LRCH1: variants seen among roughly 807,000 people sequenced by gnomAD.
LRCH1 encodes leucine rich repeats and calponin homology domain containing 1.
A neutral mutation model predicts 94.9 loss-of-function variants in LRCH1; 23 were observed. The observed-to-expected ratio is 0.24, with a 90% CI of 0.17 to 0.34. The LOEUF (loss-of-function observed/expected upper bound fraction) is 0.34, where lower values mean the gene tolerates loss of function less well. Ranked by LOEUF, LRCH1 falls within the 10% of genes least tolerant of loss-of-function variation. The pLI is 1.00. For missense variants in LRCH1, 790 were observed against 945.9 expected, an observed-to-expected ratio of 0.84 and a Z score of 2.16; for synonymous variants, 364 against 354.9, an observed-to-expected ratio of 1.03 and a Z score of -0.29.
intron 17 of LRCH1, among the ~76,000 whole-genome samples, chr13:46,728,172 C>G (rs1298390726): frequency 6.6e-6 from 1 of 152,074 alleles, no homozygotes; most frequent in African/African-American, 2.4e-5. Context: ...CCACCTCGGC[C>G]TCTCAAAGTG....
At chr13:46,588,604 T>G (rs1180540593) in intron 1 of LRCH1, among the ~76,000 whole-genome samples, 1 of 148,798 alleles carries the variant, frequency 6.7e-6, no homozygotes, top group African/African-American at 2.5e-5. Flanking sequence ...GTCTTTTTTT[T>G]TTTTTTTTTT....
chr13:46,574,823 T>G (rs1195008477), intron 1 of LRCH1, among the ~76,000 whole-genome samples: 3 of 94,750 alleles, frequency 3.2e-5, no homozygotes, highest in African/African-American at 5.9e-5. Context: ...GTGTGTGGGG[T>G]TTTTTTTTTT....
At chr13:46,676,764 T>C (rs1370670568) in intron 3 of LRCH1, among the ~76,000 whole-genome samples, 3 of 152,068 alleles carry the variant, frequency 2.0e-5, no homozygotes, top group Non-Finnish European at 4.4e-5. Context: ...TGACACAGTA[T>C]TTATATTGTT....
chr13:46,681,597 C>G, intron 3 of LRCH1, 144 bp from the exon 4 acceptor site: 1 of 679,320 alleles, frequency 1.5e-6, no homozygotes, highest in Non-Finnish European at 2.7e-6. Flanking sequence ...TGTGCTGAGT[C>G]TTAATGCTAG....
intron 16 of LRCH1, among the ~76,000 whole-genome samples, chr13:46,718,819 G>T (rs748804733): frequency 6.6e-6 from 1 of 152,202 alleles, no homozygotes; most frequent in African/African-American, 2.4e-5. Context: ...CCAAGGAGAA[G>T]TTGAGAGCTA....
intron 2 of LRCH1, among the ~76,000 whole-genome samples, chr13:46,659,630 T>C (rs980295356): frequency 6.6e-6 from 1 of 152,196 alleles, no homozygotes; most frequent in African/African-American, 2.4e-5. Context: ...TGGTGAAATG[T>C]TTCCTTTCAG....
At chr13:46,582,280 A>T (rs1322044658) in intron 1 of LRCH1, among the ~76,000 whole-genome samples, 3 of 151,050 alleles carry the variant, frequency 2.0e-5, no homozygotes, top group Non-Finnish European at 4.4e-5. Flanking sequence ...AGAGAAAAAT[A>T]TATTTTTAAA....
intron 1 of LRCH1, among the ~76,000 whole-genome samples, chr13:46,629,826 T>C (rs967577091): frequency 5.9e-5 from 9 of 152,198 alleles, no homozygotes; most frequent in African/African-American, 2.2e-4. Flanking sequence ...CAGGGCTAAA[T>C]GAGTAACAGC....
At chr13:46,681,343 T>C (rs2051747575) in intron 3 of LRCH1, among the ~76,000 whole-genome samples, 1 of 152,250 alleles carries the variant, frequency 6.6e-6, no homozygotes, top group Non-Finnish European at 1.5e-5. Context: ...ATTTCTAGTG[T>C]TAACTCTGGC....
At chr13:46,577,356 C>T (rs1328605254) in intron 1 of LRCH1, among the ~76,000 whole-genome samples, 1 of 152,188 alleles carries the variant, frequency 6.6e-6, no homozygotes, top group Non-Finnish European at 1.5e-5. Context: ...CCTCGGCCTC[C>T]CAAAGTGCTG....
intron 2 of LRCH1, among the ~76,000 whole-genome samples, chr13:46,665,913 A>G (rs979300772): frequency 1.3e-5 from 2 of 152,200 alleles, no homozygotes; most frequent in Non-Finnish European, 2.9e-5. Context: ...TAGAGGATTA[A>G]AGGGAATGCA....
chr13:46,574,822 G>GTTTTTTT (rs754195815), intron 1 of LRCH1, among the ~76,000 whole-genome samples: 6 of 69,422 alleles, frequency 8.6e-5, no homozygotes, highest in African/African-American at 2.1e-4. Context: ...TGTGTGTGGG[G>GTTTTTTT]TTTTTTTTTT....
chr13:46,707,506 G>A (rs1593366978), intron 13 of LRCH1, among the ~76,000 whole-genome samples: 1 of 152,146 alleles, frequency 6.6e-6, no homozygotes, highest in East Asian at 1.9e-4. Flanking sequence ...CTAACAAGCA[G>A]TCTGTGACAA....
At chr13:46,569,956 A>G (rs1388286672) in intron 1 of LRCH1, among the ~76,000 whole-genome samples, 3 of 151,858 alleles carry the variant, frequency 2.0e-5, no homozygotes, top group South Asian at 2.1e-4. Context: ...CTGCAACTCT[A>G]CTCATCTTTT....
In LRCH1 at chr13:46,687,991, C is replaced by T. The variant is rs1274051432; in HGVS notation, c.950+12C>T. 3 of 1,599,728 alleles carry T rather than the reference C, an allele frequency of 1.9e-6. No homozygotes were observed. Among genetic ancestry groups the T allele is most frequent in the Admixed American group, 1.7e-5 (1 of 58,060 alleles). ...CACGTGGAAGATGGGTGAGTCATGC[C>T]CTCATTCAAAGCCCCAGTTTAAAAT... On this transcript the variant is annotated intron_variant, in intron 6 of 19. Coordinates refer to ENST00000389797, the MANE Select transcript of LRCH1 (RefSeq NM_001164211.2).
chr13:46,568,426 T>C (rs1475651740), intron 1 of LRCH1, among the ~76,000 whole-genome samples: 1 of 152,192 alleles, frequency 6.6e-6, no homozygotes, highest in Non-Finnish European at 1.5e-5. Context: ...TCTAGTTGTG[T>C]CAGATTGAAT....
chr13:46,602,978 G>GCATACATACATACATACATA (rs35011134), intron 1 of LRCH1, among the ~76,000 whole-genome samples: 62 of 149,932 alleles, frequency 4.1e-4, no homozygotes, highest in African/African-American at 1.2e-3. Context: ...ATACATGCAT[G>GCATACATACATACATACATA]CATACATACA....
chr13:46,668,808 CTTATTTT>C (rs1255737455), intron 2 of LRCH1, among the ~76,000 whole-genome samples: 3 of 141,888 alleles, frequency 2.1e-5, no homozygotes, highest in African/African-American at 7.7e-5. Context: ...TGCCCATACC[CTTATTTT>C]TTATTTTTTA....
At chr13:46,562,469 C>G (rs7984347) in intron 1 of LRCH1, among the ~76,000 whole-genome samples, 73,575 of 152,036 alleles carry the variant, frequency 0.48, 19,827 homozygotes, top group Middle Eastern at 0.6. Context: ...TTGTCCCTTC[C>G]TGAGCCCAAA....
Sources: allele counts gnomAD v4.1 joint callset (sites outside exome capture counted in the v4.1 genomes callset), GRCh38; gene constraint gnomAD v4.1.1; transcripts MANE v1.5; gene names NCBI Gene and HGNC (gene_info 2026-07-23, HGNC 2026-07-21).